The following CYP19A1 variants were observed in gnomAD, a reference collection of about 807,000 sequenced individuals.
CYP19A1 encodes the protein cytochrome P450 family 19 subfamily A member 1, also known as aromatase.
CYP19A1 carries 32 observed loss-of-function variants against 44.4 expected under a neutral mutation model. The ratio of observed to expected loss-of-function variants is 0.72; its 90% CI spans 0.54 to 0.97. The LOEUF is 0.97. CYP19A1 is among the 50% of genes least tolerant of loss of function. The pLI is 0.00. For synonymous variants in CYP19A1, 212 were observed against 215.6 expected (o/e 0.98, Z 0.14); for missense variants, 598 against 637.8 (o/e 0.94, Z 0.67).
chr15:51,308,263 G>A (rs2036249755), intron 1 of CYP19A1, among the ~76,000 whole-genome samples: 1 of 152,166 alleles, frequency 6.6e-6, no homozygotes, highest in African/African-American at 2.4e-5. Context: ...AGGTGGGAGA[G>A]TAGAAGGAAT....
chr15:51,231,386 G>A (rs1158285317), intron 3 of CYP19A1, among the ~76,000 whole-genome samples: 5 of 151,940 alleles, frequency 3.3e-5, no homozygotes, highest in African/African-American at 4.8e-5. Flanking sequence ...GCAGGGGGAC[G>A]GCTCTTTCAA....
intron 1 of CYP19A1, among the ~76,000 whole-genome samples, chr15:51,305,889 G>A (rs2036207238): frequency 6.6e-6 from 1 of 152,122 alleles, no homozygotes; most frequent in African/African-American, 2.4e-5. Context: ...ATAAGCTTTG[G>A]TAATTACATA....
intron 1 of CYP19A1, among the ~76,000 whole-genome samples, chr15:51,275,401 A>G (rs928572450): frequency 6.6e-6 from 1 of 152,230 alleles, no homozygotes; most frequent in African/African-American, 2.4e-5. Flanking sequence ...CTTTTGCTTT[A>G]CTAAGACCAG....
chr15:51,290,728 C>T (rs776063329), intron 1 of CYP19A1, among the ~76,000 whole-genome samples: 1 of 152,254 alleles, frequency 6.6e-6, no homozygotes, highest in Non-Finnish European at 1.5e-5. Context: ...CCCAGGACCA[C>T]TGCATTGCCT....
intron 1 of CYP19A1, among the ~76,000 whole-genome samples, chr15:51,330,977 T>C (rs974084979): frequency 6.6e-6 from 1 of 151,846 alleles, no homozygotes; most frequent in Admixed American, 6.6e-5. Context: ...GAATGAGGGA[T>C]GAGGAAGCGC....
intron 1 of CYP19A1, among the ~76,000 whole-genome samples, chr15:51,327,998 T>A (rs74016706): frequency 0.054 from 8,156 of 152,256 alleles, 737 homozygotes; most frequent in African/African-American, 0.19. Context: ...ACACTGGAAA[T>A]CCTACTAAGT....
chr15:51,277,076 G>T (rs968099552), intron 1 of CYP19A1: 3 of 152,054 alleles, frequency 2.0e-5, no homozygotes, highest in Non-Finnish European at 4.4e-5. Context: ...AAGAAAAAGA[G>T]AGAAAGTGGT....
intron 1 of CYP19A1, among the ~76,000 whole-genome samples, chr15:51,288,509 C>T (rs1007280919): frequency 6.6e-6 from 1 of 152,172 alleles, no homozygotes; most frequent in Non-Finnish European, 1.5e-5. Context: ...AAGGGAGTTT[C>T]CTCATTTCAG....
At position 51,222,460 on chromosome 15, in the gene CYP19A1, C is replaced by A; in HGVS notation, c.517G>T (p.Asp173Tyr). The stretch of plus-strand genomic sequence containing the variant: ...TCATTGGTCACCTCCTCCAACCTGT[C>A]CAGATGTGTTTTGAGGGATTCAGCA... ...VCAESLKTHL[D>Y]RLEEVTNESG... Residue 173 changes from aspartate to tyrosine, a missense_variant, in exon 5 of 10, where the codon GAC (aspartate) becomes TAC (tyrosine). By Grantham distance (160) the Asp-to-Tyr change is radical. Coordinates refer to ENST00000396402, the MANE Select transcript of CYP19A1 (RefSeq NM_000103.4). The A allele has an allele frequency of 6.2e-7, 1 of 1,614,078 alleles. No individual in the cohort carries two copies. Among genetic ancestry groups the A allele is most frequent in the Non-Finnish European group, 8.5e-7 (1 of 1,179,956 alleles).
chr15:51,243,609 G>A (rs760522512), intron 1 of CYP19A1, among the ~76,000 whole-genome samples: 41 of 152,156 alleles, frequency 2.7e-4, no homozygotes, highest in African/African-American at 5.3e-4. Flanking sequence ...CCTAGGGACC[G>A]GCCAACGGTA....
At chr15:51,263,540 T>C (rs1230881638) in intron 1 of CYP19A1, among the ~76,000 whole-genome samples, 1 of 152,148 alleles carries the variant, frequency 6.6e-6, no homozygotes, top group African/African-American at 2.4e-5. Flanking sequence ...CTTGCATATA[T>C]TTGAGTGCTG....
At chr15:51,332,491 G>A (rs1216561280) in intron 1 of CYP19A1, among the ~76,000 whole-genome samples, 2 of 152,118 alleles carry the variant, frequency 1.3e-5, no homozygotes, top group African/African-American at 4.8e-5. Context: ...ACACATTCCT[G>A]AACTGTCTAT....
intron 1 of CYP19A1, among the ~76,000 whole-genome samples, chr15:51,322,281 T>C (rs1038905416): frequency 3.3e-5 from 5 of 152,248 alleles, no homozygotes; most frequent in Non-Finnish European, 7.3e-5. Flanking sequence ...CAGGTGTCTG[T>C]GCCCAAGAGC....
Position 51,314,165 on chromosome 15 carries a change from A to C in CYP19A1, c.-39+24330T>G, listed in dbSNP as rs556325054. The C allele has an allele frequency of 8.8e-4, 134 of 152,218 alleles. 1 individual carries two copies. Among genetic ancestry groups the C allele is most frequent in the African/African-American group, 3.1e-3 (128 of 41,564 alleles). 9.4% of individuals were successfully genotyped at this position (152,218 alleles called of 1,614,324 possible). ...CTAAGTCTTCCACGGCCTTGGATTC[A>C]TGTAGTCTCCCTGATGGGTTTGCTG... is the stretch of plus-strand genomic sequence containing the variant. On this transcript the variant is annotated intron_variant, in intron 1 of 9. Coordinates refer to ENST00000396402, the MANE Select transcript of CYP19A1 (RefSeq NM_000103.4).
chr15:51,230,699 A>G (rs1023156333), intron 3 of CYP19A1, among the ~76,000 whole-genome samples: 1 of 151,204 alleles, frequency 6.6e-6, no homozygotes, highest in Non-Finnish European at 1.5e-5. Context: ...GCTAATTGCA[A>G]ACTCCACCTC....
At chr15:51,273,120 C>T (rs1267912792) in intron 1 of CYP19A1, among the ~76,000 whole-genome samples, 3 of 152,082 alleles carry the variant, frequency 2.0e-5, no homozygotes, top group Non-Finnish European at 4.4e-5. Flanking sequence ...TTACCACACC[C>T]AGCTAATTTT....
rs1313042504 is a variant in CYP19A1 at position 51,264,580 on chromosome 15, T to C, written c.-38-21630A>G. Among the ~76,000 whole-genome samples, 3 of 152,224 alleles carry C rather than the reference T, an allele frequency of 2.0e-5. No homozygotes were observed. In the East Asian group the frequency reaches 5.8e-4, roughly 29 times the overall value. ...CCCAGCACTGAAATTATAGAATTTA[T>C]TATTGAAAACGCAGGGCAGAAGGAA... On this transcript the variant is annotated intron_variant, in intron 1 of 9. Transcript: ENST00000396402.
At chr15:51,312,407 A>G (rs913824311) in intron 1 of CYP19A1, 1 of 152,236 alleles carries the variant, frequency 6.6e-6, no homozygotes, top group African/African-American at 2.4e-5. Context: ...CTCCAGATGC[A>G]TTACATCATT....
intron 3 of CYP19A1, among the ~76,000 whole-genome samples, chr15:51,232,598 A>T (rs990582648): frequency 2.6e-5 from 4 of 152,006 alleles, no homozygotes; most frequent in African/African-American, 9.7e-5. Context: ...TCAGGACACG[A>T]TGTCCCCATT....
Sources: allele counts gnomAD v4.1 joint callset (sites outside exome capture counted in the v4.1 genomes callset), GRCh38; gene constraint gnomAD v4.1.1; transcripts MANE v1.5; gene names NCBI Gene and HGNC (gene_info 2026-07-23, HGNC 2026-07-21).